The following HS6ST3 variants were observed in gnomAD, a reference collection of about 807,000 sequenced individuals.
HS6ST3 encodes the protein heparan sulfate 6-O-sulfotransferase 3.
In HS6ST3, 12 loss-of-function variants were observed where a neutral mutation model predicts 36.7. The ratio of observed to expected loss-of-function variants is 0.33; its 90% CI spans 0.21 to 0.53. The LOEUF (loss-of-function observed/expected upper bound fraction) is 0.53. HS6ST3 is among the 20% of genes least tolerant of loss of function. HS6ST3 has a pLI of 0.95. For synonymous variants in HS6ST3, 240 were observed against 257.5 expected (o/e 0.93, Z 0.65); for missense variants, 584 against 640.9 (o/e 0.91, Z 0.96).
intron 1 of HS6ST3, among the ~76,000 whole-genome samples, chr13:96,482,191 C>T (rs1010295310): frequency 1.3e-5 from 2 of 152,154 alleles, no homozygotes; most frequent in South Asian, 2.1e-4. Flanking sequence ...TTACCTGTTT[C>T]TACACCAGCA....
intron 1 of HS6ST3, among the ~76,000 whole-genome samples, chr13:96,105,204 T>C (rs1424812944): frequency 6.6e-6 from 1 of 151,992 alleles, no homozygotes; most frequent in Non-Finnish European, 1.5e-5. Context: ...TGGATGTGGA[T>C]TGATTTGAGA....
At chr13:96,799,583 A>G (rs1877992713) in intron 1 of HS6ST3, among the ~76,000 whole-genome samples, 1 of 146,094 alleles carries the variant, frequency 6.8e-6, no homozygotes, top group South Asian at 2.3e-4. Flanking sequence ...TTGAACAATG[A>G]GAACACATGG....
At chr13:96,602,194 T>TTTGTTG (rs139299928) in intron 1 of HS6ST3, among the ~76,000 whole-genome samples, 2 of 152,020 alleles carry the variant, frequency 1.3e-5, no homozygotes, top group African/African-American at 2.4e-5. Flanking sequence ...AATCTGTATC[T>TTTGTTG]TTGTTGTTGT....
chr13:96,242,926 A>G (rs188876668), intron 1 of HS6ST3, among the ~76,000 whole-genome samples: 1 of 152,386 alleles, frequency 6.6e-6, no homozygotes, highest in East Asian at 1.9e-4. Context: ...AGAGATGGAA[A>G]GAACCTGAAT....
intron 1 of HS6ST3, among the ~76,000 whole-genome samples, chr13:96,119,414 AATAG>A (rs769783411): frequency 2.0e-5 from 3 of 152,264 alleles, no homozygotes; most frequent in South Asian, 2.1e-4. Flanking sequence ...ATAATTTAAT[AATAG>A]ATATTGATTT....
chr13:96,527,931 A>G (rs1684615149), intron 1 of HS6ST3, among the ~76,000 whole-genome samples: 2 of 152,154 alleles, frequency 1.3e-5, no homozygotes, highest in African/African-American at 4.8e-5. Flanking sequence ...GATGGAAGCC[A>G]TGGTGGAGCC....
At chr13:96,290,380 C>T (rs949827310) in intron 1 of HS6ST3, among the ~76,000 whole-genome samples, 8 of 151,974 alleles carry the variant, frequency 5.3e-5, no homozygotes, top group African/African-American at 9.7e-5. Context: ...GATTTGTATT[C>T]GGTACAATTG....
chr13:96,138,955 A>AT (rs1315203952), intron 1 of HS6ST3, among the ~76,000 whole-genome samples: 1 of 152,120 alleles, frequency 6.6e-6, no homozygotes, highest in East Asian at 1.9e-4. Flanking sequence ...TATTTAATTT[A>AT]TACTATTTTA....
intron 1 of HS6ST3, among the ~76,000 whole-genome samples, chr13:96,513,257 T>A: frequency 6.6e-6 from 1 of 152,132 alleles, no homozygotes; most frequent in Non-Finnish European, 1.5e-5. Flanking sequence ...GGCCTTGATC[T>A]TTCTGTGTAT....
intron 1 of HS6ST3, among the ~76,000 whole-genome samples, chr13:96,653,437 C>T (rs1861741807): frequency 6.6e-6 from 1 of 152,098 alleles, no homozygotes; most frequent in African/African-American, 2.4e-5. Context: ...TCAACTCCCA[C>T]TTATGAGTGA....
chr13:96,328,184 C>A, intron 1 of HS6ST3, among the ~76,000 whole-genome samples: 2 of 142,808 alleles, frequency 1.4e-5, no homozygotes, highest in Non-Finnish European at 3.1e-5. Flanking sequence ...CCTTCTCCTG[C>A]CTAATTGCCC....
rs369188738 is a variant in HS6ST3, at chr13:96,091,018, G to T, written c.156G>T (p.Pro52=). ...GGGAGGCCGGCCCGCCCGCCGTCCC[G>T]GGTCCCGCCCGCCGGGCTCAGGCGC... The part of the protein sequence containing the change: ...RAGEAGPPAV[P]GPARRAQAPP... Residue 52 remains proline, a synonymous_variant, in exon 1 of 2, where the codon CCG becomes CCT. Transcript: ENST00000376705. 1.6e-6 allele frequency: 2 copies of T among 1,265,842 alleles called. No homozygotes were observed. The highest frequency in any genetic ancestry group is 7.8e-5 in the Admixed American group (2 of 25,512). The allele number at this position is 1,265,842 out of a possible 1,614,324, so 78.4% of individuals were successfully genotyped here.
chr13:96,323,296 C>A (rs2055013886), intron 1 of HS6ST3, among the ~76,000 whole-genome samples: 2 of 152,202 alleles, frequency 1.3e-5, no homozygotes, highest in South Asian at 4.1e-4. Context: ...TAAATAGAAA[C>A]TATCCTCTGG....
chr13:96,404,948 G>A (rs1031812203), intron 1 of HS6ST3, among the ~76,000 whole-genome samples: 2 of 152,152 alleles, frequency 1.3e-5, no homozygotes, highest in East Asian at 1.9e-4. Flanking sequence ...TGAGTCTCAC[G>A]AGATCTGATG....
rs35044138 is a variant in HS6ST3 at position 96,668,779 on chromosome 13, C to CA, written c.708-163700dup. ...ATTCAACCTATTCATCTAGATATTT[C>CA]AAAAAAAAAAAGGCAACAGTTTTTC... On this transcript the variant is annotated intron_variant, in intron 1 of 1. Coordinates refer to ENST00000376705, the MANE Select transcript of HS6ST3 (RefSeq NM_153456.4). 6.1e-3 allele frequency among the ~76,000 whole-genome samples: 613 copies of CA among 100,564 alleles called. 2 individuals are homozygous for CA. The highest frequency in any genetic ancestry group is 0.016 in the African/African-American group (444 of 28,618). 66.0% of individuals were successfully genotyped at this position (100,564 alleles called of 152,430 possible).
At chr13:96,279,928 T>C (rs1403297320) in intron 1 of HS6ST3, among the ~76,000 whole-genome samples, 1 of 152,234 alleles carries the variant, frequency 6.6e-6, no homozygotes, top group African/African-American at 2.4e-5. Flanking sequence ...TTAATATTTT[T>C]ACAAGATATC....
At chr13:96,631,521 G>A (rs1013570309) in intron 1 of HS6ST3, among the ~76,000 whole-genome samples, 1 of 152,162 alleles carries the variant, frequency 6.6e-6, no homozygotes, top group African/African-American at 2.4e-5. Context: ...AGTGTACTTT[G>A]TGTGGAAAAA....
At chr13:96,773,127 T>G (rs1374512894) in intron 1 of HS6ST3, among the ~76,000 whole-genome samples, 1 of 152,152 alleles carries the variant, frequency 6.6e-6, no homozygotes, top group Non-Finnish European at 1.5e-5. Flanking sequence ...AATGGTGCAT[T>G]CAGGCCCAGA....
At chr13:96,124,161 C>T (rs977822355) in intron 1 of HS6ST3, among the ~76,000 whole-genome samples, 2 of 152,114 alleles carry the variant, frequency 1.3e-5, no homozygotes, top group South Asian at 4.1e-4. Context: ...AGGAGCTTTC[C>T]TCAATAGTTT....
Sources: allele counts gnomAD v4.1 joint callset (sites outside exome capture counted in the v4.1 genomes callset), GRCh38; gene constraint gnomAD v4.1.1; transcripts MANE v1.5; gene names NCBI Gene and HGNC (gene_info 2026-07-23, HGNC 2026-07-21).